Variants in GCFC2 observed in about 807,000 individuals in gnomAD.
GCFC2 encodes the protein GC-rich sequence DNA-binding factor 2.
A neutral mutation model predicts 99.4 loss-of-function variants in GCFC2; 102 were observed. The ratio of observed to expected loss-of-function variants is 1.03; its 90% CI spans 0.87 to 1.21. GCFC2 has a LOEUF of 1.21. Ranked by LOEUF, GCFC2 falls within the 50% of genes most tolerant of loss-of-function variation. The probability of loss-of-function intolerance (pLI) is 0.00; values close to 1 mark genes in which losing one functional copy is unlikely to be tolerated. For synonymous variants in GCFC2, 338 were observed against 316.8 expected, an observed-to-expected ratio of 1.07 and a Z score of -0.71; for missense variants, 973 against 920.9, an observed-to-expected ratio of 1.06 and a Z score of -0.73.
At chr2:75,699,490 C>G (rs566789096) in intron 4 of GCFC2, among the ~76,000 whole-genome samples, 10 of 152,298 alleles carry the variant, frequency 6.6e-5, no homozygotes, top group Middle Eastern at 3.4e-3. Context: ...ACCCACAGCC[C>G]AAATCTAGGA....
At position 75,662,825 on chromosome 2, in the gene GCFC2, CAG is replaced by C. The variant is rs1042702000; in HGVS notation, c.*1839_*1840del. Reference sequence around the variant, plus strand: ...CATATTTAGTTAAAAATCCAAAAGTCAGAGGATAATTTCCAAATGTGTACTTA... The same window carrying C: ...CATATTTAGTTAAAAATCCAAAAGTCAGGATAATTTCCAAATGTGTACTTA... On this transcript the variant is annotated 3_prime_UTR_variant, in exon 17 of 17. Transcript: ENST00000321027. The C allele has an allele frequency of 1.3e-5, 2 of 148,788 alleles. No individual in the cohort carries two copies. The highest frequency in any genetic ancestry group is 5.0e-5 in the African/African-American group (2 of 40,206). 9.2% of individuals were successfully genotyped at this position (148,788 alleles called of 1,614,324 possible).
chr2:75,683,996 A>G (rs2104303456), intron 11 of GCFC2, among the ~76,000 whole-genome samples: 1 of 152,258 alleles, frequency 6.6e-6, no homozygotes, highest in African/African-American at 2.4e-5. Flanking sequence ...TTAGAGACCT[A>G]CAAAGAGACT....
intron 2 of GCFC2, among the ~76,000 whole-genome samples, chr2:75,703,947 T>A (rs1168825157): frequency 6.6e-6 from 1 of 152,162 alleles, no homozygotes; most frequent in Non-Finnish European, 1.5e-5. Context: ...AATTAGTAAG[T>A]CACAAGCAAT....
chr2:75,694,273 C>T lies in GCFC2; in HGVS notation c.988G>A (p.Val330Met), dbSNP rs1209459114. The T allele has an allele frequency of 1.2e-5, 13 of 1,099,884 alleles. No homozygotes were observed. Among genetic ancestry groups the T allele is most frequent in the African/African-American group, 4.7e-5 (3 of 63,562 alleles). 68.1% of individuals were successfully genotyped at this position (1,099,884 alleles called of 1,614,324 possible). Residue 330 changes from valine to methionine, a missense_variant, in exon 6 of 17, where the codon GTG becomes ATG. Physicochemically the swap from Val to Met is conservative, Grantham distance 21. Transcript: ENST00000321027. ...TTAAGGCAGTCAATTAAATTTTCCACATAAATTTTCATGCTTTTATAGAAT... is the reference window on the plus strand; with the variant it reads ...TTAAGGCAGTCAATTAAATTTTCCATATAAATTTTCATGCTTTTATAGAAT... The part of the protein sequence containing the change: ...CKFYKSMKIY[V>M]ENLIDCLNEK...
At chr2:75,702,017 A>G in intron 3 of GCFC2, 182 bp downstream of exon 3, 1 of 1,404,484 alleles carries the variant, frequency 7.1e-7, no homozygotes, top group Middle Eastern at 2.6e-4. Flanking sequence ...ATACTCCTTG[A>G]TAATAACATT....
chr2:75,705,247 T>C (rs1297310314), intron 2 of GCFC2, among the ~76,000 whole-genome samples: 2 of 152,170 alleles, frequency 1.3e-5, no homozygotes, highest in Non-Finnish European at 2.9e-5. Flanking sequence ...TCGCTTAGTA[T>C]TTCTGTACCT....
At chr2:75,687,393 A>C (rs1046132941) in intron 11 of GCFC2, among the ~76,000 whole-genome samples, 2 of 152,190 alleles carry the variant, frequency 1.3e-5, no homozygotes, top group Admixed American at 6.5e-5. Flanking sequence ...TTAAATACTA[A>C]GTGACTGAAG....
rs777447188 is a variant in GCFC2, at chr2:75,672,035, A to C, written c.1890-19T>G. 2.1e-6 allele frequency: 3 copies of C among 1,396,318 alleles called. No homozygotes were observed. The South Asian group carries it at 3.5e-5, about 16-fold the overall frequency. 86.5% of individuals were successfully genotyped at this position (1,396,318 alleles called of 1,614,324 possible). A position where few individuals can be genotyped will look rare whatever the true frequency, so the allele number is the denominator to read the frequency against. ...TACAGCACTAATTAGAAACAAACGA[A>C]AGAGAAGAGAAAATGCAAAGAACTA... On this transcript the variant is annotated intron_variant, in intron 13 of 16. Transcript: ENST00000321027.
intron 2 of GCFC2, among the ~76,000 whole-genome samples, chr2:75,704,983 A>G (rs1014276211): frequency 3.9e-5 from 6 of 152,330 alleles, no homozygotes; most frequent in Middle Eastern, 3.4e-3. Context: ...GCCATCTTTT[A>G]TAGTAGCATT....
At chr2:75,709,186 T>C (rs1681003033) in intron 1 of GCFC2, among the ~76,000 whole-genome samples, 1 of 152,186 alleles carries the variant, frequency 6.6e-6, no homozygotes, top group East Asian at 1.9e-4. Context: ...TTGATAGGTA[T>C]AACCTACTGA....
chr2:75,695,598 A>C (rs1334010790), intron 5 of GCFC2, among the ~76,000 whole-genome samples: 2 of 152,228 alleles, frequency 1.3e-5, no homozygotes, highest in Admixed American at 6.5e-5. Context: ...CAAGACCCCC[A>C]GTGAATGCAA....
chr2:75,674,011 T>C (rs78171565), intron 12 of GCFC2, among the ~76,000 whole-genome samples: 7,685 of 152,288 alleles, frequency 0.05, 388 homozygotes, highest in East Asian at 0.15. Context: ...ATAATTGGCA[T>C]TTTCTTGTTT....
At chr2:75,712,771 G>GAAC (rs1681241503), upstream of GCFC2, among the ~76,000 whole-genome samples, 1 of 151,964 alleles carries the variant, frequency 6.6e-6, no homozygotes, top group South Asian at 2.1e-4. Flanking sequence ...AACATCAGAA[G>GAAC]GGGCAGACCC....
rs531953790 is a variant in GCFC2, at chr2:75,700,494, T to A, written c.717+696A>T. Among the ~76,000 whole-genome samples the A allele has an allele frequency of 2.6e-5, 4 of 152,240 alleles. No homozygotes were observed. In the South Asian group the frequency reaches 6.2e-4, roughly 24 times the overall value. Reference sequence around the variant, plus strand: ...AAGTAGATATACCATTGCGGTGAGATGTCTCTGTTGTATTGTGAAGTGAAA... The same window carrying A: ...AAGTAGATATACCATTGCGGTGAGAAGTCTCTGTTGTATTGTGAAGTGAAA... On this transcript the variant is annotated intron_variant, in intron 4 of 16. Coordinates refer to ENST00000321027, the MANE Select transcript of GCFC2 (RefSeq NM_003203.5).
chr2:75,674,220 T>C (rs1366053805), intron 12 of GCFC2, among the ~76,000 whole-genome samples: 1 of 152,254 alleles, frequency 6.6e-6, no homozygotes, highest in Non-Finnish European at 1.5e-5. Context: ...TGTCTTTTTA[T>C]TACTGATTTG....
Position 75,689,227 on chromosome 2 carries a change from T to G in GCFC2, c.1340-2A>C. 2 of 1,541,586 alleles carry G rather than the reference T, an allele frequency of 1.3e-6. No homozygotes were observed. Among genetic ancestry groups the G allele is most frequent in the Non-Finnish European group, 1.8e-6 (2 of 1,119,350 alleles). On this transcript the variant is annotated splice_acceptor_variant, in intron 9 of 16. Coordinates refer to ENST00000321027, the MANE Select transcript of GCFC2 (RefSeq NM_003203.5). LOFTEE classifies it high-confidence loss of function. ...TCTTCTGTTTCTGTAAAATGTCACC[T>G]GTAAACAAAATAAGTCTCTTTATGC...
intron 6 of GCFC2, among the ~76,000 whole-genome samples, chr2:75,692,881 G>T (rs1680149091): frequency 6.6e-6 from 1 of 152,098 alleles, no homozygotes; most frequent in Non-Finnish European, 1.5e-5. Flanking sequence ...ATGTGATACA[G>T]AAATGAGACT....
intron 5 of GCFC2, among the ~76,000 whole-genome samples, chr2:75,695,576 G>A (rs1680274323): frequency 6.6e-6 from 1 of 152,124 alleles, no homozygotes; most frequent in African/African-American, 2.4e-5. Context: ...CCTTAATCAT[G>A]GGGATAGGTT....
At chr2:75,699,183 AACAGGAACAC>A (rs1680465118) in intron 4 of GCFC2, among the ~76,000 whole-genome samples, 1 of 152,196 alleles carries the variant, frequency 6.6e-6, no homozygotes, top group Non-Finnish European at 1.5e-5. Flanking sequence ...TGCAATGCCT[AACAGGAACAC>A]ACATCTCATT....
Sources: allele counts gnomAD v4.1 joint callset (sites outside exome capture counted in the v4.1 genomes callset), GRCh38; gene constraint gnomAD v4.1.1; transcripts MANE v1.5; gene names NCBI Gene and HGNC (gene_info 2026-07-23, HGNC 2026-07-21).